The following ZFP1 variants were observed in gnomAD, a reference collection of about 807,000 sequenced individuals.
ZFP1 encodes the protein zinc finger protein 1 homolog.
In ZFP1, 32 loss-of-function variants were observed where a neutral mutation model predicts 38.5. The observed-to-expected ratio is 0.83, with a 90% CI of 0.63 to 1.12. The LOEUF (loss-of-function observed/expected upper bound fraction) is 1.12. Ranked by LOEUF, ZFP1 falls within the 50% of genes most tolerant of loss-of-function variation. The probability of loss-of-function intolerance (pLI) is 0.00; values close to 1 mark genes in which losing one functional copy is unlikely to be tolerated. For missense variants in ZFP1, 616 were observed against 480.8 expected, an observed-to-expected ratio of 1.28 and a Z score of -2.63; for synonymous variants, 245 against 168.8, an observed-to-expected ratio of 1.45 and a Z score of -3.50.
In ZFP1 at chr16:75,169,354, A is replaced by G. The variant is rs1238680739; in HGVS notation, c.244A>G (p.Arg82Gly). The G allele has an allele frequency of 6.2e-7, 1 of 1,614,194 alleles. No homozygotes were observed. Among genetic ancestry groups the G allele is most frequent in the South Asian group, 1.1e-5 (1 of 91,080 alleles). ...ILKNQTPIEE[R>G]GDLFGKALNL... ...TAAGAACCAAACCCCAATTGAGGAAAGAGGCGATCTCTTTGGAAAAGCACT... is the reference window on the plus strand; with the variant it reads ...TAAGAACCAAACCCCAATTGAGGAAGGAGGCGATCTCTTTGGAAAAGCACT... The change falls in exon 4 of 4, where the codon AGA (arginine) becomes GGA (glycine). Residue 82 changes from arginine (R) to glycine (G), a missense_variant. Transcript: ENST00000570010.
intron 2 of ZFP1, chr16:75,157,335 C>T: frequency 6.7e-6 from 1 of 148,184 alleles, no homozygotes; most frequent in Non-Finnish European, 1.5e-5. Context: ...ATCTCTACCA[C>T]AGGGTTCAAG....
the ZFP1 span, among the ~76,000 whole-genome samples, chr16:75,135,209 CAAAAAA>C: frequency 1.5e-3 from 22 of 14,962 alleles, 1 homozygote; most frequent in Admixed American, 3.4e-3. Flanking sequence ...GACCTTATCT[CAAAAAA>C]AAAAAAAAAA....
At chr16:75,150,798 A>G (rs1478951226) in intron 1 of ZFP1, among the ~76,000 whole-genome samples, 1 of 152,150 alleles carries the variant, frequency 6.6e-6, no homozygotes, top group East Asian at 1.9e-4. Context: ...TTGAATAAAT[A>G]TTGTGCTGTT....
chr16:75,123,903 G>A, the ZFP1 span, among the ~76,000 whole-genome samples: 66 of 149,746 alleles, frequency 4.4e-4, no homozygotes, highest in African/African-American at 1.5e-3. Context: ...CATTCTGGCC[G>A]ACACGGTGAA....
At chr16:75,165,855 G>A (rs114347224) in intron 2 of ZFP1, among the ~76,000 whole-genome samples, 40 of 152,172 alleles carry the variant, frequency 2.6e-4, no homozygotes, top group South Asian at 6.2e-4. Flanking sequence ...GACTCCTGCT[G>A]CAAGTATATT....
chr16:75,138,836 C>T, the ZFP1 span, among the ~76,000 whole-genome samples: 1 of 152,174 alleles, frequency 6.6e-6, no homozygotes, highest in Non-Finnish European at 1.5e-5. Flanking sequence ...CTTCCGTTCT[C>T]CAGAACTGTG....
chr16:75,152,928 T>C lies in ZFP1; in HGVS notation c.-24T>C. 6.2e-7 allele frequency: 1 copy of C among 1,613,758 alleles called. No homozygotes were observed. The highest frequency in any genetic ancestry group is 1.1e-5 in the South Asian group (1 of 90,976). On this transcript the variant is annotated 5_prime_UTR_variant, in exon 2 of 4. Coordinates refer to ENST00000570010, the MANE Select transcript of ZFP1 (RefSeq NM_153688.4). ...TTCCAGTTCTGCCTTCATAGTTCTC[T>C]GCCTTTGCCCAAAACTGCAGAAAAT...
chr16:75,149,840 C>T (rs901002110), intron 1 of ZFP1, among the ~76,000 whole-genome samples: 7 of 152,132 alleles, frequency 4.6e-5, no homozygotes, highest in Non-Finnish European at 8.8e-5. Context: ...GAGTCTCACT[C>T]TGTCACCCAG....
chr16:75,153,072 A>G, intron 2 of ZFP1, 106 bp downstream of exon 2: 1 of 1,435,010 alleles, frequency 7.0e-7, no homozygotes, highest in Admixed American at 2.3e-5. Flanking sequence ...CAAAGGAAAC[A>G]TAGCAAGAAT....
the ZFP1 span, among the ~76,000 whole-genome samples, chr16:75,139,325 C>G: frequency 7.5e-6 from 1 of 133,704 alleles, no homozygotes; most frequent in South Asian, 2.6e-4. Context: ...GCCGAGGTTG[C>G]GCCACTGCAC....
At chr16:75,165,461 C>T (rs1403840623) in intron 2 of ZFP1, among the ~76,000 whole-genome samples, 1 of 152,030 alleles carries the variant, frequency 6.6e-6, no homozygotes, top group Admixed American at 6.5e-5. Flanking sequence ...GTGGGGCAGT[C>T]TGGGCTCACT....
At chr16:75,168,718 A>G (rs1191782326) in intron 3 of ZFP1, among the ~76,000 whole-genome samples, 1 of 152,198 alleles carries the variant, frequency 6.6e-6, no homozygotes, top group Non-Finnish European at 1.5e-5. Flanking sequence ...TGTTCTCTGG[A>G]AATCATTTTG....
intron 2 of ZFP1, among the ~76,000 whole-genome samples, chr16:75,161,774 A>ATATATATATATATTTTATT (rs1555523101): frequency 1.3e-4 from 1 of 7,818 alleles, no homozygotes; most frequent in African/African-American, 3.9e-4. Context: ...ATATATATAT[A>ATATATATATATATTTTATT]TTTTTTTTTT....
In ZFP1 at chr16:75,170,391, A is replaced by AAAACCTC; in HGVS notation, c.*59_*65dup. On this transcript the variant is annotated 3_prime_UTR_variant, in exon 4 of 4. Coordinates refer to ENST00000570010, the MANE Select transcript of ZFP1 (RefSeq NM_153688.4). ...CTGCCAGAACTCTTCAAGCGGGTGAAAAACCTCATGACAGTATTGAGGGAA... is the reference window on the plus strand; with the variant it reads ...CTGCCAGAACTCTTCAAGCGGGTGAAAAACCTCAAACCTCATGACAGTATTGAGGGAA... The AAAACCTC allele has an allele frequency of 2.7e-6, 4 of 1,504,338 alleles. No individual in the cohort carries two copies. Among genetic ancestry groups the AAAACCTC allele is most frequent in the Non-Finnish European group, 3.5e-6 (4 of 1,127,564 alleles). The allele number at this position is 1,504,338 out of a possible 1,614,324, so 93.2% of individuals were successfully genotyped here. A position where few individuals can be genotyped will look rare whatever the true frequency, so the allele number is the denominator to read the frequency against.
At chr16:75,120,405 G>C in the ZFP1 span, among the ~76,000 whole-genome samples, 3 of 152,110 alleles carry the variant, frequency 2.0e-5, no homozygotes, top group Admixed American at 6.6e-5. Flanking sequence ...TCCCTTTAAG[G>C]GAGAAACCTG....
At chr16:75,129,838 A>G in the ZFP1 span, among the ~76,000 whole-genome samples, 1 of 152,186 alleles carries the variant, frequency 6.6e-6, no homozygotes, top group Non-Finnish European at 1.5e-5. Flanking sequence ...CAGAGGCATA[A>G]GGCAGAAGGA....
chr16:75,130,922 A>AG, the ZFP1 span, among the ~76,000 whole-genome samples: 1 of 151,804 alleles, frequency 6.6e-6, no homozygotes, highest in East Asian at 1.9e-4. Context: ...AAGCCCTTGC[A>AG]GTGGCCTTAA....
At position 75,148,566 on chromosome 16, in the gene ZFP1, C is replaced by T. The variant is rs937855341; in HGVS notation, c.-121C>T. On this transcript the variant is annotated 5_prime_UTR_variant, in exon 1 of 4. Transcript: ENST00000570010. ...AGCGGCGAGTGGGTGACAGAGCCCC[C>T]GTCTCCGCGCGTCTTCGCCGCCCTG... 1 of 152,294 alleles carries T rather than the reference C, an allele frequency of 6.6e-6. No homozygotes were observed. Among genetic ancestry groups the T allele is most frequent in the Non-Finnish European group, 1.5e-5 (1 of 68,106 alleles). The allele number at this position is 152,294 out of a possible 1,614,324, so 9.4% of individuals were successfully genotyped here. A position where few individuals can be genotyped will look rare whatever the true frequency, so the allele number is the denominator to read the frequency against.
intron 3 of ZFP1, 94 bp downstream of exon 3, chr16:75,166,990 T>G: frequency 9.8e-6 from 15 of 1,523,268 alleles, no homozygotes; most frequent in Non-Finnish European, 1.3e-5. Context: ...TTACTAAATG[T>G]TTTTGGCCTA....
Sources: gnomAD v4.1 joint callset for allele counts (sites outside exome capture counted in the v4.1 genomes callset) on GRCh38, gnomAD v4.1.1 for gene constraint, MANE v1.5 for transcripts, NCBI Gene and HGNC (gene_info 2026-07-23, HGNC 2026-07-21) for gene names.